Variants in ATP2C2 observed in about 807,000 individuals in gnomAD.
ATP2C2 encodes ATPase secretory pathway Ca2+ transporting 2.
In ATP2C2, 171 loss-of-function variants were observed where a neutral mutation model predicts 110.8. That is an observed-to-expected ratio of 1.54 (90% CI 1.36 to 1.75). The LOEUF is 1.75. ATP2C2 is among the 40% of genes most tolerant of loss of function. ATP2C2 has a pLI of 0.00. For missense variants in ATP2C2, 1,963 were observed against 1,235.0 expected (o/e 1.59, Z -8.84); for synonymous variants, 804 against 508.4 (o/e 1.58, Z -7.82).
intron 2 of ATP2C2, among the ~76,000 whole-genome samples, chr16:84,401,669 A>G (rs1195113746): frequency 6.6e-6 from 1 of 152,052 alleles, no homozygotes; most frequent in Non-Finnish European, 1.5e-5. Flanking sequence ...TGGGTTCTCT[A>G]TTCTGTTTCA....
chr16:84,385,354 C>T (rs761104277), intron 1 of ATP2C2, among the ~76,000 whole-genome samples: 1 of 152,136 alleles, frequency 6.6e-6, no homozygotes, highest in Non-Finnish European at 1.5e-5. Context: ...ATGAGATATC[C>T]TTCCCCATGA....
intron 1 of ATP2C2, among the ~76,000 whole-genome samples, chr16:84,383,266 G>T (rs1045704835): frequency 6.6e-6 from 1 of 152,208 alleles, no homozygotes; most frequent in Non-Finnish European, 1.5e-5. Context: ...AGGTGGGCTG[G>T]CAGGAAAGCC....
intron 1 of ATP2C2, among the ~76,000 whole-genome samples, chr16:84,393,758 G>A (rs1221891409): frequency 6.6e-6 from 1 of 151,188 alleles, no homozygotes; most frequent in African/African-American, 2.4e-5. Flanking sequence ...GGGAGTGGGG[G>A]TGGAGGGGGC....
chr16:84,394,045 GAC>G (rs1472184974), intron 1 of ATP2C2, among the ~76,000 whole-genome samples: 1 of 150,362 alleles, frequency 6.7e-6, no homozygotes, highest in African/African-American at 2.5e-5. Flanking sequence ...CTGGTGTGAT[GAC>G]ACACACCTGT....
chr16:84,451,302 C>G (rs1910237679), intron 17 of ATP2C2, among the ~76,000 whole-genome samples: 1 of 152,140 alleles, frequency 6.6e-6, no homozygotes, highest in Non-Finnish European at 1.5e-5. Flanking sequence ...CCTCCCACAA[C>G]ACGTGGGAAT....
At chr16:84,460,092 C>G (rs959971620) in intron 23 of ATP2C2, 6 of 199,660 alleles carry the variant, frequency 3.0e-5, no homozygotes, top group Non-Finnish European at 4.1e-5. Flanking sequence ...AAAGAGAGTC[C>G]TCATTTGTGT....
Position 84,461,713 on chromosome 16 carries a change from GA to G in ATP2C2, c.2482del (p.Met828CysfsTer14). 3 of 1,613,954 alleles carry G rather than the reference GA, an allele frequency of 1.9e-6. No homozygotes were observed. Among genetic ancestry groups the G allele is most frequent in the Non-Finnish European group, 2.5e-6 (3 of 1,179,802 alleles). The stretch of plus-strand genomic sequence containing the variant: ...CTCTCACCTTTGTGCTCACCTTCCA[GA>G]TGCCTGAAGACAGAGCAAGCACTCC... ...SGTLFIFWKE[M>X]PEDRASTPRT... On this transcript the variant is annotated frameshift_variant and splice_region_variant, in exon 25 of 27. Coordinates refer to ENST00000262429, the MANE Select transcript of ATP2C2 (RefSeq NM_014861.4). LOFTEE classifies it high-confidence loss of function.
chr16:84,445,975 T>A (rs16973813), intron 15 of ATP2C2, among the ~76,000 whole-genome samples: 24 of 152,076 alleles, frequency 1.6e-4, no homozygotes, highest in Non-Finnish European at 8.8e-5. Context: ...GGACCCCATG[T>A]TCTGGACGCA....
chr16:84,463,273 C>G (rs1468450134), intron 26 of ATP2C2, among the ~76,000 whole-genome samples: 2 of 152,002 alleles, frequency 1.3e-5, no homozygotes, highest in Non-Finnish European at 2.9e-5. Flanking sequence ...AGACTGGTCA[C>G]TCAGGACATT....
chr16:84,376,984 C>A (rs1466024285), intron 1 of ATP2C2, among the ~76,000 whole-genome samples: 6 of 152,198 alleles, frequency 3.9e-5, no homozygotes. Flanking sequence ...TGGGGTTAAT[C>A]TGGATCTGTG....
At position 84,368,564 on chromosome 16, in the gene ATP2C2, C is replaced by A; in HGVS notation, c.-52C>A. On this transcript the variant is annotated 5_prime_UTR_variant, in exon 1 of 27. Coordinates refer to ENST00000262429, the MANE Select transcript of ATP2C2 (RefSeq NM_014861.4). ...GGAGGCTTGGGCGCGCGCAGCCATC[C>A]CGGGCCTCGCCGGGGACCTAGGGAC... The A allele has an allele frequency of 7.0e-7, 1 of 1,419,990 alleles. No individual in the cohort carries two copies. Among genetic ancestry groups the A allele is most frequent in the Non-Finnish European group, 9.6e-7 (1 of 1,042,528 alleles). 88.0% of individuals were successfully genotyped at this position (1,419,990 alleles called of 1,614,324 possible). A position where few individuals can be genotyped will look rare whatever the true frequency, so the allele number is the denominator to read the frequency against.
chr16:84,397,880 A>G (rs376244414), intron 1 of ATP2C2, among the ~76,000 whole-genome samples: 1 of 151,980 alleles, frequency 6.6e-6, no homozygotes, highest in East Asian at 1.9e-4. Context: ...ACAAGAAAGC[A>G]TGTATGAGTG....
intron 7 of ATP2C2, among the ~76,000 whole-genome samples, chr16:84,417,248 T>G (rs572384744): frequency 6.6e-6 from 1 of 152,160 alleles, no homozygotes; most frequent in South Asian, 2.1e-4. Flanking sequence ...GAGGCAGGTG[T>G]GGGGGCTGCC....
At chr16:84,409,557 T>C (rs992739902) in intron 4 of ATP2C2, among the ~76,000 whole-genome samples, 1 of 152,196 alleles carries the variant, frequency 6.6e-6, no homozygotes, top group Non-Finnish European at 1.5e-5. Flanking sequence ...TCGTCCAGGC[T>C]GGACAGCAGT....
chr16:84,445,889 C>CTGG, intron 15 of ATP2C2, among the ~76,000 whole-genome samples: 1 of 152,242 alleles, frequency 6.6e-6, no homozygotes, highest in Non-Finnish European at 1.5e-5. Flanking sequence ...TGTCACATCA[C>CTGG]TGATCCAAAA....
Position 84,434,680 on chromosome 16 carries a change from G to A in ATP2C2, c.987-4486G>A, listed in dbSNP as rs149444176. Reference sequence around the variant, plus strand: ...ACTACAGGTGCTCGCTACCACACCCGGCTAATTTTTGTATTTTGGTAGAGA... The same window carrying A: ...ACTACAGGTGCTCGCTACCACACCCAGCTAATTTTTGTATTTTGGTAGAGA... On this transcript the variant is annotated intron_variant, in intron 11 of 26. Transcript: ENST00000262429. Among the ~76,000 whole-genome samples, 17 of 151,706 alleles carry A rather than the reference G, an allele frequency of 1.1e-4. No individual in the cohort carries two copies. In the East Asian group the frequency reaches 1.2e-3, roughly 11 times the overall value.
chr16:84,453,560 G>A (rs563827604), intron 20 of ATP2C2, among the ~76,000 whole-genome samples, 189 bp downstream of exon 20: 4 of 152,174 alleles, frequency 2.6e-5, no homozygotes, highest in Non-Finnish European at 4.4e-5. Flanking sequence ...TTGAGCAGGG[G>A]CGCGTGGGCA....
intron 7 of ATP2C2, 38 bp from the exon 8 acceptor site, chr16:84,422,352 C>G (rs769227681): frequency 1.9e-6 from 3 of 1,597,662 alleles, no homozygotes; most frequent in South Asian, 1.1e-5. Flanking sequence ...CTCGGGGTGA[C>G]AGAGAGATTC....
rs759942295 is a variant in ATP2C2 at position 84,439,257 on chromosome 16, A to G, written c.1078A>G (p.Ile360Val). 7 of 1,612,442 alleles carry G rather than the reference A, an allele frequency of 4.3e-6. No homozygotes were observed. The East Asian group carries it at 8.9e-5, about 21-fold the overall frequency. Residue 360 changes from isoleucine (I) to valine (V), a missense_variant, in exon 12 of 27, where the codon ATC becomes GTC. Coordinates refer to ENST00000262429, the MANE Select transcript of ATP2C2 (RefSeq NM_014861.4). ...GVLRMAKKRV[I>V]VKKLPIVETL... ...GCTGCGGATGGCCAAGAAGCGGGTC[A>G]TCGTGAAGAAGTTACCCATCGTGGA...
Sources: gnomAD v4.1 joint callset for allele counts (sites outside exome capture counted in the v4.1 genomes callset) on GRCh38, gnomAD v4.1.1 for gene constraint, MANE v1.5 for transcripts, NCBI Gene and HGNC (gene_info 2026-07-23, HGNC 2026-07-21) for gene names.